Variants in STC2 observed in about 807,000 individuals in gnomAD.
The protein encoded by STC2 is stanniocalcin 2.
In STC2, 7 loss-of-function variants were observed where a neutral mutation model predicts 22.7. That is an observed-to-expected ratio of 0.31 (90% CI 0.18 to 0.58). The LOEUF (loss-of-function observed/expected upper bound fraction) is 0.58. Among genes scored for constraint, STC2 ranks in the 20% least tolerant of loss-of-function variants. STC2 has a pLI of 0.89. For missense variants in STC2, 336 were observed against 406.2 expected (o/e 0.83, Z 1.48); for synonymous variants, 158 against 163.4 (o/e 0.97, Z 0.25).
intron 3 of STC2, among the ~76,000 whole-genome samples, chr5:173,319,779 G>A (rs1213039418): frequency 8.5e-5 from 13 of 152,212 alleles, no homozygotes; most frequent in Admixed American, 8.5e-4. Context: ...GCAGAGAGGA[G>A]GAATGCTCTG....
At chr5:173,328,004 C>G in intron 1 of STC2, 39 bp downstream of exon 1, 1 of 1,426,434 alleles carries the variant, frequency 7.0e-7, no homozygotes. Flanking sequence ...ACGGTGTCCT[C>G]TCCCAGTAGC....
rs1434383149 is a variant in STC2, at chr5:173,325,826, T to C, written c.294+42A>G. 2.5e-6 allele frequency: 4 copies of C among 1,612,664 alleles called. No homozygotes were observed. In the South Asian group the frequency reaches 3.3e-5, roughly 13 times the overall value. On this transcript the variant is annotated intron_variant, in intron 2 of 3. Transcript: ENST00000265087. The surrounding 1 kb of genome is among the most constrained non-coding windows in gnomAD (Gnocchi z 4.7). ...TTCCAATGAACGTTTCAATCATGTATGCTCACCCCAAACATTCTTCATGCT... is the reference window on the plus strand; with the variant it reads ...TTCCAATGAACGTTTCAATCATGTACGCTCACCCCAAACATTCTTCATGCT...
intron 3 of STC2, chr5:173,322,942 A>T: frequency 2.1e-6 from 1 of 471,894 alleles, no homozygotes; most frequent in Non-Finnish European, 3.9e-6. Context: ...GGGAAGATGA[A>T]GAGTATTACT....
In STC2 at chr5:173,323,600, C is replaced by T. The variant is rs981852753; in HGVS notation, c.295-170G>A. On this transcript the variant is annotated intron_variant, in intron 2 of 3. Coordinates refer to ENST00000265087, the MANE Select transcript of STC2 (RefSeq NM_003714.3). The surrounding 1 kb of genome is among the most constrained non-coding windows in gnomAD (Gnocchi z 5.4). ...CCCAGGTGACAGGCAATGCGACATCCGGAGGCACGTCCAGAGTGACATGAC... is the reference window on the plus strand; with the variant it reads ...CCCAGGTGACAGGCAATGCGACATCTGGAGGCACGTCCAGAGTGACATGAC... 3.9e-5 allele frequency among the ~76,000 whole-genome samples: 6 copies of T among 152,200 alleles called. No individual in the cohort carries two copies. Among genetic ancestry groups the T allele is most frequent in the Non-Finnish European group, 7.3e-5 (5 of 68,042 alleles).
intron 1 of STC2, chr5:173,326,798 G>C (rs1467548051): frequency 6.6e-6 from 1 of 152,130 alleles, no homozygotes; most frequent in African/African-American, 2.4e-5. Context: ...GGAAGGGGCA[G>C]ACGGAGGGAG....
In STC2 at chr5:173,325,188, C is replaced by T. The variant is rs1561644237; in HGVS notation, c.294+680G>A. On this transcript the variant is annotated intron_variant, in intron 2 of 3. Coordinates refer to ENST00000265087, the MANE Select transcript of STC2 (RefSeq NM_003714.3). The surrounding 1 kb of genome is among the most constrained non-coding windows in gnomAD (Gnocchi z 4.7). ...CACGAAGAAGGTGAGTCTGATGCCA[C>T]ATGCCATCTAAAAATGTATTTGCGT... Among the ~76,000 whole-genome samples the T allele has an allele frequency of 1.3e-5, 2 of 152,230 alleles. No homozygotes were observed. The highest frequency in any genetic ancestry group is 2.9e-5 in the Non-Finnish European group (2 of 68,040).
chr5:173,317,127 G>A lies in STC2; in HGVS notation c.*720C>T, dbSNP rs1051412821. 2 of 152,186 alleles carry A rather than the reference G, an allele frequency of 1.3e-5. No individual in the cohort carries two copies. The highest frequency in any genetic ancestry group is 4.8e-5 in the African/African-American group (2 of 41,278). 9.4% of individuals were successfully genotyped at this position (152,186 alleles called of 1,614,324 possible). ...AGATATAACTGGATAAATAAAAAAA[G>A]TGAAATCGAGATTTGAAGCAGTGGT... On this transcript the variant is annotated 3_prime_UTR_variant, in exon 4 of 4. Transcript: ENST00000265087.
At chr5:173,318,286 G>T in intron 3 of STC2, 37 bp from the exon 4 acceptor site, 1 of 1,375,914 alleles carries the variant, frequency 7.3e-7, no homozygotes. Flanking sequence ...GAGAGAGAGA[G>T]AGAGAGAGAG....
chr5:173,327,201 C>T (rs1054951547), intron 1 of STC2, among the ~76,000 whole-genome samples: 3 of 152,260 alleles, frequency 2.0e-5, no homozygotes, highest in Admixed American at 6.5e-5. Flanking sequence ...CATTCCAGCT[C>T]GTGCGGTGAG....
At chr5:173,327,096 A>G (rs1159581734) in intron 1 of STC2, among the ~76,000 whole-genome samples, 6 of 151,700 alleles carry the variant, frequency 4.0e-5, no homozygotes, top group Non-Finnish European at 8.8e-5. Flanking sequence ...CAGCATGTGG[A>G]GGCGACAGGA....
Position 173,323,576 on chromosome 5 carries a change from C to T in STC2, c.295-146G>A. ...GGCCCCACCAGAGACGGACGTCCTC[C>T]CAGGTGACAGGCAATGCGACATCCG... On this transcript the variant is annotated intron_variant, in intron 2 of 3. Transcript: ENST00000265087. The surrounding 1 kb of genome is among the most constrained non-coding windows in gnomAD (Gnocchi z 5.4). 1.3e-6 allele frequency: 1 copy of T among 782,770 alleles called. No individual in the cohort carries two copies. The highest frequency in any genetic ancestry group is 2.1e-6 in the Non-Finnish European group (1 of 484,790). 48.5% of individuals were successfully genotyped at this position (782,770 alleles called of 1,614,324 possible). A position where few individuals can be genotyped will look rare whatever the true frequency, so the allele number is the denominator to read the frequency against.
At chr5:173,321,955 T>G (rs1180063398) in intron 3 of STC2, among the ~76,000 whole-genome samples, 1 of 152,270 alleles carries the variant, frequency 6.6e-6, no homozygotes, top group Non-Finnish European at 1.5e-5. Flanking sequence ...GTTTTGCTTT[T>G]GGCAAGAGCT....
intron 2 of STC2, among the ~76,000 whole-genome samples, chr5:173,324,697 A>G (rs1251943634): frequency 3.9e-5 from 6 of 152,096 alleles, no homozygotes; most frequent in African/African-American, 9.7e-5. Flanking sequence ...GTTGGTTGGG[A>G]AAAAAAAGAG....
At position 173,323,132 on chromosome 5, in the gene STC2, T is replaced by C. The variant is rs1762505143; in HGVS notation, c.506+87A>G. The C allele has an allele frequency of 3.0e-6, 4 of 1,324,562 alleles. No individual in the cohort carries two copies. In the African/African-American group the frequency reaches 4.3e-5, roughly 14 times the overall value. The allele number at this position is 1,324,562 out of a possible 1,614,324, so 82.1% of individuals were successfully genotyped here. ...CTCCATTTGACAGGCATTCAGCCTC[T>C]AGAAGCAACGCGGCTCTCCTCCCAT... On this transcript the variant is annotated intron_variant, in intron 3 of 3. Transcript: ENST00000265087. The surrounding 1 kb of genome is among the most constrained non-coding windows in gnomAD (Gnocchi z 5.4).
intron 1 of STC2, among the ~76,000 whole-genome samples, chr5:173,326,970 AG>A (rs1259554356): frequency 1.4e-4 from 19 of 138,538 alleles, no homozygotes; most frequent in Non-Finnish European, 2.7e-4. Context: ...CCAGAGAATG[AG>A]GGGCGTGTAT....
In STC2 at chr5:173,318,266, A is replaced by AAGAG. The variant is rs4041247; in HGVS notation, c.507-21_507-18dup. The AAGAG allele has an allele frequency of 0.078, 95,787 of 1,225,364 alleles. 1,241 individuals carry two copies. The highest frequency in any genetic ancestry group is 0.28 in the East Asian group (8,845 of 31,576). 75.9% of individuals were successfully genotyped at this position (1,225,364 alleles called of 1,614,324 possible). On this transcript the variant is annotated splice_polypyrimidine_tract_variant and intron_variant, in intron 3 of 3. Transcript: ENST00000265087. Reference sequence around the variant, plus strand: ...ACGTAGGGTCTAAAGATTGAAAGCAAAGAGAGAGAGAGAGAGAGAGAGAGA... The same window carrying AAGAG: ...ACGTAGGGTCTAAAGATTGAAAGCAAAGAGAGAGAGAGAGAGAGAGAGAGAGAGA...
intron 3 of STC2, among the ~76,000 whole-genome samples, chr5:173,318,840 G>A (rs561287177): frequency 5.2e-4 from 79 of 152,324 alleles, no homozygotes; most frequent in Middle Eastern, 6.8e-3. Flanking sequence ...GGTGTTTTTG[G>A]AAGTTATTGG....
At chr5:173,322,519 C>T (rs4868257) in intron 3 of STC2, among the ~76,000 whole-genome samples, 68,116 of 152,078 alleles carry the variant, frequency 0.45, 16,685 homozygotes, top group Admixed American at 0.59. Flanking sequence ...GTTTTTGGCA[C>T]TTGTTTTGCA....
intron 1 of STC2, 57 bp downstream of exon 1, chr5:173,327,986 G>C (rs573380784): frequency 2.9e-6 from 4 of 1,391,038 alleles, no homozygotes; most frequent in African/African-American, 1.5e-5. Context: ...GGCGCGCCGC[G>C]TGGGTGCACG....
Sources: gnomAD v4.1 joint callset for allele counts (sites outside exome capture counted in the v4.1 genomes callset) on GRCh38, gnomAD v4.1.1 for gene constraint, Gnocchi (gnomAD v3.1) non-coding constraint, MANE v1.5 for transcripts, NCBI Gene and HGNC (gene_info 2026-07-23, HGNC 2026-07-21) for gene names.